USH1C: variants seen among roughly 807,000 people sequenced by gnomAD.
USH1C encodes USH1 protein network component harmonin.
In USH1C, 90 loss-of-function variants were observed where a neutral mutation model predicts 119.3. The observed-to-expected ratio is 0.75, with a 90% confidence interval of 0.64 to 0.90. USH1C has a LOEUF of 0.90. USH1C is among the 40% of genes least tolerant of loss of function. The pLI, the probability that USH1C is intolerant of heterozygous loss-of-function variation, is 0.00. For missense variants in USH1C, 1,165 were observed against 1,167.7 expected, an observed-to-expected ratio of 1.00 and a Z score of 0.03; for synonymous variants, 465 against 443.3, an observed-to-expected ratio of 1.05 and a Z score of -0.62.
Position 17,544,309 on chromosome 11 carries a change from G to T in USH1C, c.-2C>A. ...TTCTCGGGCCACTTTTCGGTCCATG[G>T]CTGGGCCAGGTCCAGCTGCGTCGTT... On this transcript the variant is annotated 5_prime_UTR_variant, in exon 1 of 27. Coordinates refer to ENST00000005226, the MANE Select transcript of USH1C (RefSeq NM_153676.4). The T allele has an allele frequency of 6.2e-7, 1 of 1,614,048 alleles. No individual in the cohort carries two copies. The highest frequency in any genetic ancestry group is 8.5e-7 in the Non-Finnish European group (1 of 1,179,970).
intron 25 of USH1C, among the ~76,000 whole-genome samples, 187 bp from the exon 26 acceptor site, chr11:17,495,864 G>A (rs1397165132): frequency 1.4e-5 from 2 of 144,270 alleles, no homozygotes; most frequent in Admixed American, 6.8e-5. Flanking sequence ...TGCTGGGCAC[G>A]GGGAGCAAGC....
Position 17,522,837 on chromosome 11 carries a change from C to T in USH1C, c.966G>A (p.Arg322=), listed in dbSNP as rs748749433. ...LQRQELLMQK[R]LAMESNKILQ... is the part of the protein sequence containing the mutation. ...GGATCTTGTTGGACTCCATCGCCAGCCGCTTCTGCATGAGAAGCTCCTGCC... is the reference window on the plus strand; with the variant it reads ...GGATCTTGTTGGACTCCATCGCCAGTCGCTTCTGCATGAGAAGCTCCTGCC... Residue 322 remains arginine, a synonymous_variant, in exon 12 of 27, where the codon CGG becomes CGA. Transcript: ENST00000005226. The T allele has an allele frequency of 6.2e-7, 1 of 1,613,778 alleles. No individual in the cohort carries two copies. Among genetic ancestry groups the T allele is most frequent in the African/African-American group, 1.3e-5 (1 of 75,046 alleles).
chr11:17,497,067 C>T (rs775264993), intron 24 of USH1C, among the ~76,000 whole-genome samples: 15 of 152,192 alleles, frequency 9.9e-5, no homozygotes, highest in East Asian at 3.9e-4. Flanking sequence ...ATCTATGGAC[C>T]GGGGACAGGC....
intron 1 of USH1C, 158 bp from the exon 2 acceptor site, chr11:17,533,480 G>A (rs951443994): frequency 7.2e-6 from 5 of 695,010 alleles, no homozygotes; most frequent in Admixed American, 4.0e-5. Flanking sequence ...CTGCCCCTCT[G>A]ACCCCAATGC....
intron 7 of USH1C, 26 bp downstream of exon 7, chr11:17,526,727 C>G: frequency 6.2e-7 from 1 of 1,612,634 alleles, no homozygotes; most frequent in Non-Finnish European, 8.5e-7. Context: ...CCACCCAAAC[C>G]CCATCACAGG....
intron 9 of USH1C, among the ~76,000 whole-genome samples, chr11:17,524,077 A>G (rs1282536383): frequency 2.0e-5 from 3 of 152,226 alleles, no homozygotes; most frequent in Non-Finnish European, 4.4e-5. Context: ...GAAAAATCAT[A>G]TACTTTCTCT....
At chr11:17,502,039 G>C (rs912436919) in intron 20 of USH1C, 59 bp from the exon 21 acceptor site, 2 of 1,560,656 alleles carry the variant, frequency 1.3e-6, no homozygotes, top group South Asian at 1.1e-5. Context: ...GGTCAGAGCC[G>C]AGGAGTAGGG....
Position 17,501,077 on chromosome 11 carries a change from T to TA in USH1C, c.2353dup (p.Tyr785LeufsTer2). 1 of 1,614,020 alleles carries TA rather than the reference T, an allele frequency of 6.2e-7. No individual in the cohort carries two copies. Among genetic ancestry groups the TA allele is most frequent in the Non-Finnish European group, 8.5e-7 (1 of 1,179,992 alleles). On this transcript the variant is annotated frameshift_variant, in exon 23 of 27. Transcript: ENST00000005226. LOFTEE classifies it high-confidence loss of function. The stretch of plus-strand genomic sequence containing the variant: ...ATGCCGCTCAGCAGCTCCCCGCTCA[T>TA]ACACAGCAGAAACGACCACCTTCCC...
At chr11:17,495,275 C>T (rs776481853) in intron 26 of USH1C, among the ~76,000 whole-genome samples, 2 of 152,190 alleles carry the variant, frequency 1.3e-5, no homozygotes, top group African/African-American at 4.8e-5. Flanking sequence ...CTTCATCCTG[C>T]TCATTTGGGT....
At chr11:17,532,270 A>G (rs1256208517) in intron 2 of USH1C, among the ~76,000 whole-genome samples, 1 of 152,142 alleles carries the variant, frequency 6.6e-6, no homozygotes, top group East Asian at 1.9e-4. Flanking sequence ...TGCCCTTCCC[A>G]GATATTCCAC....
At chr11:17,535,407 C>T (rs924373237) in intron 1 of USH1C, among the ~76,000 whole-genome samples, 5 of 152,008 alleles carry the variant, frequency 3.3e-5, no homozygotes, top group African/African-American at 1.2e-4. Context: ...CCCTGCTCAC[C>T]TACCCAGACA....
chr11:17,501,649 G>T, intron 21 of USH1C, 114 bp from the exon 22 acceptor site: 2 of 1,280,478 alleles, frequency 1.6e-6, no homozygotes, highest in South Asian at 2.5e-5. Context: ...CAGAGCACAT[G>T]GGCAAGGGGA....
chr11:17,538,574 G>C (rs1181344802), intron 1 of USH1C, among the ~76,000 whole-genome samples: 2 of 152,172 alleles, frequency 1.3e-5, no homozygotes, highest in Non-Finnish European at 2.9e-5. Context: ...TTAAATGAGT[G>C]AGTATGTGTA....
intron 14 of USH1C, chr11:17,516,563 G>C: frequency 2.0e-6 from 1 of 494,796 alleles, no homozygotes. Context: ...GGTTTCAGAA[G>C]TCAGGGCCAG....
rs976345335 is a variant in USH1C, at chr11:17,494,010, G to A, written c.*322C>T. 3 of 443,256 alleles carry A rather than the reference G, an allele frequency of 6.8e-6. No individual in the cohort carries two copies. The highest frequency in any genetic ancestry group is 6.0e-5 in the African/African-American group (3 of 50,222). 27.5% of individuals were successfully genotyped at this position (443,256 alleles called of 1,614,324 possible). A position where few individuals can be genotyped will look rare whatever the true frequency, so the allele number is the denominator to read the frequency against. On this transcript the variant is annotated 3_prime_UTR_variant, in exon 27 of 27. Transcript: ENST00000005226. ...GAGGGATGGAGAGAGAGAGACTCCA[G>A]TGGGGTCTTATTAGGGTTCAAGGAA...
chr11:17,501,785 G>A (rs370478775), intron 21 of USH1C, among the ~76,000 whole-genome samples, 154 bp downstream of exon 21: 7 of 152,122 alleles, frequency 4.6e-5, no homozygotes, highest in South Asian at 2.1e-4. Flanking sequence ...AGGAATCTTC[G>A]TGGGAAGAGC....
At chr11:17,539,607 G>A (rs1565073830) in intron 1 of USH1C, among the ~76,000 whole-genome samples, 1 of 152,108 alleles carries the variant, frequency 6.6e-6, no homozygotes, top group Admixed American at 6.5e-5. Flanking sequence ...AGTGGGCAGC[G>A]AGTGGCCCTC....
intron 1 of USH1C, among the ~76,000 whole-genome samples, chr11:17,537,012 G>T (rs1851256381): frequency 6.6e-6 from 1 of 152,180 alleles, no homozygotes; most frequent in African/African-American, 2.4e-5. Context: ...GCACTGCTTT[G>T]TTCTCTGACC....
intron 24 of USH1C, among the ~76,000 whole-genome samples, chr11:17,497,390 A>G (rs1849285034): frequency 6.6e-6 from 1 of 151,954 alleles, no homozygotes; most frequent in Non-Finnish European, 1.5e-5. Flanking sequence ...TTGAGCTGAA[A>G]TCTCTCTCTC....
Sources: allele counts gnomAD v4.1 joint callset (sites outside exome capture counted in the v4.1 genomes callset), GRCh38; gene constraint gnomAD v4.1.1; transcripts MANE v1.5; gene names NCBI Gene and HGNC (gene_info 2026-07-23, HGNC 2026-07-21).